The following CHN2 variants were observed in gnomAD, a reference collection of about 807,000 sequenced individuals.
CHN2 encodes beta-chimaerin.
In CHN2, 35 loss-of-function variants were observed where a neutral mutation model predicts 56.3. The observed-to-expected ratio is 0.62, with a 90% CI of 0.47 to 0.82. CHN2 has a LOEUF of 0.82. CHN2 is among the 40% of genes least tolerant of loss of function. CHN2 has a pLI of 0.00. For missense variants in CHN2, 491 were observed against 580.5 expected (o/e 0.85, Z 1.58); for synonymous variants, 210 against 212.8 (o/e 0.99, Z 0.12).
chr7:29,321,487 A>T (rs896463021), intron 1 of CHN2, among the ~76,000 whole-genome samples: 1 of 152,046 alleles, frequency 6.6e-6, no homozygotes, highest in African/African-American at 2.4e-5. Context: ...GCTCATGAGT[A>T]GTAGAGCTGG....
intron 1 of CHN2, among the ~76,000 whole-genome samples, chr7:29,256,399 G>C (rs1004649172): frequency 6.6e-6 from 1 of 152,160 alleles, no homozygotes; most frequent in African/African-American, 2.4e-5. Context: ...GATAAGAAAA[G>C]GTTTGTATGT....
At chr7:29,260,396 T>A (rs1789438133) in intron 1 of CHN2, among the ~76,000 whole-genome samples, 1 of 152,226 alleles carries the variant, frequency 6.6e-6, no homozygotes, top group African/African-American at 2.4e-5. Flanking sequence ...AATTTTGTCA[T>A]CTCTCATTGG....
At position 29,183,856 on chromosome 7, in the gene CHN2, AC is replaced by A. The variant is rs1453348099; in HGVS notation, c.274+36898del. 1.1e-4 allele frequency among the ~76,000 whole-genome samples: 16 copies of A among 152,282 alleles called. No individual in the cohort carries two copies. In the South Asian group the frequency reaches 1.9e-3, roughly 18 times the overall value. On this transcript the variant is annotated intron_variant, in intron 2 of 6. Transcript: ENST00000439384. ...GATTCCACACCCATGCATTCAACCA[AC>A]CAAAAATGTTAGAAAAAACAATAAA...
intron 6 of CHN2, among the ~76,000 whole-genome samples, chr7:29,447,148 G>T (rs779652767): frequency 6.6e-6 from 1 of 152,130 alleles, no homozygotes; most frequent in East Asian, 1.9e-4. Context: ...TCTATGAGGG[G>T]ACTAGTCAAT....
Position 29,324,204 on chromosome 7 carries a change from T to C in CHN2, c.50-30421T>C, listed in dbSNP as rs1250170620. ...AGGCCCATCTTAGGTTCTACAATAGTGATGCTATTTGCAGGAGTAGTTGAA... is the reference window on the plus strand; with the variant it reads ...AGGCCCATCTTAGGTTCTACAATAGCGATGCTATTTGCAGGAGTAGTTGAA... On this transcript the variant is annotated intron_variant, in intron 1 of 12. Transcript: ENST00000222792. 3.3e-5 allele frequency among the ~76,000 whole-genome samples: 5 copies of C among 152,144 alleles called. No homozygotes were observed. The East Asian group carries it at 9.6e-4, about 29-fold the overall frequency.
intron 7 of CHN2, among the ~76,000 whole-genome samples, chr7:29,487,623 C>G (rs1181886928): frequency 6.6e-6 from 1 of 151,932 alleles, no homozygotes. Flanking sequence ...ATACCTGGAG[C>G]CAGTTTCTCC....
chr7:29,480,164 GA>G, intron 6 of CHN2, 114 bp from the exon 7 acceptor site: 1 of 1,596,648 alleles, frequency 6.3e-7, no homozygotes, highest in Non-Finnish European at 8.5e-7. Flanking sequence ...CTGTGGTTCG[GA>G]AGTCTAAGCA....
At chr7:29,401,962 G>T (rs146678032) in intron 6 of CHN2, among the ~76,000 whole-genome samples, 22 of 152,278 alleles carry the variant, frequency 1.4e-4, no homozygotes, top group Middle Eastern at 3.4e-3. Context: ...TCTGTGCTGA[G>T]CCCGGCTTGT....
intron 7 of CHN2, among the ~76,000 whole-genome samples, chr7:29,489,679 A>C (rs1301157549): frequency 1.3e-5 from 2 of 152,054 alleles, no homozygotes; most frequent in African/African-American, 2.4e-5. Flanking sequence ...CTCTATTCTC[A>C]TTTTGTTTTA....
chr7:29,436,773 A>T (rs1417288106), intron 6 of CHN2, among the ~76,000 whole-genome samples: 1 of 152,188 alleles, frequency 6.6e-6, no homozygotes, highest in Non-Finnish European at 1.5e-5. Flanking sequence ...AATTGGGATG[A>T]TATTTGAATA....
chr7:29,502,189 G>A (rs1207746643), intron 9 of CHN2, among the ~76,000 whole-genome samples: 1 of 152,148 alleles, frequency 6.6e-6, no homozygotes, highest in Admixed American at 6.5e-5. Context: ...GAGTAACAGT[G>A]CCTTTGACAA....
At chr7:29,474,384 G>A (rs1168453053) in intron 6 of CHN2, among the ~76,000 whole-genome samples, 1 of 152,090 alleles carries the variant, frequency 6.6e-6, no homozygotes, top group Admixed American at 6.5e-5. Context: ...TTAGTCTGAA[G>A]ACCTTTTCAA....
intron 2 of CHN2, among the ~76,000 whole-genome samples, chr7:29,181,827 G>A (rs1391598052): frequency 2.0e-5 from 3 of 152,028 alleles, no homozygotes; most frequent in Non-Finnish European, 4.4e-5. Flanking sequence ...AATGTAAACT[G>A]CAAAAATCAG....
At chr7:29,317,394 A>G (rs1283541055) in intron 1 of CHN2, among the ~76,000 whole-genome samples, 1 of 152,196 alleles carries the variant, frequency 6.6e-6, no homozygotes, top group Non-Finnish European at 1.5e-5. Flanking sequence ...GCACTTTGGG[A>G]CCGAAGGATA....
chr7:29,474,630 G>C (rs1419314497), intron 6 of CHN2, among the ~76,000 whole-genome samples: 4 of 152,198 alleles, frequency 2.6e-5, no homozygotes, highest in Non-Finnish European at 4.4e-5. Flanking sequence ...TAGGAGTATA[G>C]CTCGGGCAGT....
At chr7:29,203,910 C>T (rs578258655) in intron 1 of CHN2, among the ~76,000 whole-genome samples, 1 of 152,280 alleles carries the variant, frequency 6.6e-6, no homozygotes, top group African/African-American at 2.4e-5. Context: ...CTTGTTTAGA[C>T]AGATTTTGTG....
At chr7:29,273,386 T>TATATATAC (rs1790907196) in intron 1 of CHN2, among the ~76,000 whole-genome samples, 4 of 47,736 alleles carry the variant, frequency 8.4e-5, no homozygotes, top group African/African-American at 3.0e-4. Context: ...TATATATATA[T>TATATATAC]ATACACACAC....
At chr7:29,494,950 TAAA>T (rs5883217) in intron 7 of CHN2, among the ~76,000 whole-genome samples, 5,916 of 64,558 alleles carry the variant, frequency 0.092, 250 homozygotes, top group Admixed American at 0.14. Context: ...AAGCAGTTTG[TAAA>T]AAAAAAAAAA....
chr7:29,185,719 T>A (rs772065666), intron 2 of CHN2: 2 of 152,202 alleles, frequency 1.3e-5, no homozygotes, highest in Non-Finnish European at 2.9e-5. Flanking sequence ...TCTGAGTGAT[T>A]CTCATATATA....
Sources: allele counts gnomAD v4.1 joint callset (sites outside exome capture counted in the v4.1 genomes callset), GRCh38; gene constraint gnomAD v4.1.1; transcripts MANE v1.5; gene names NCBI Gene and HGNC (gene_info 2026-07-23, HGNC 2026-07-21).